The following TAF8 variants were observed in gnomAD, a reference collection of about 807,000 sequenced individuals.
TAF8 encodes the protein transcription initiation factor TFIID subunit 8.
Under a neutral mutation model 36.5 loss-of-function variants are expected in TAF8, and 47 were observed. That is an observed-to-expected ratio of 1.29 (90% CI 1.02 to 1.64). The LOEUF is 1.64. Among genes scored for constraint, TAF8 ranks in the 40% most tolerant of loss-of-function variants. The pLI is 0.00. For missense variants in TAF8, 420 were observed against 407.6 expected, an observed-to-expected ratio of 1.03 and a Z score of -0.26; for synonymous variants, 175 against 159.5, an observed-to-expected ratio of 1.10 and a Z score of -0.73.
chr6:42,085,100 A>G (rs1198170989), downstream of TAF8, among the ~76,000 whole-genome samples: 1 of 152,202 alleles, frequency 6.6e-6, no homozygotes, highest in Non-Finnish European at 1.5e-5. Flanking sequence ...TCCAGCAAAT[A>G]CGGACACATT....
intron 2 of TAF8, among the ~76,000 whole-genome samples, chr6:42,054,764 C>A (rs1229392917): frequency 4.6e-5 from 7 of 151,924 alleles, no homozygotes; most frequent in African/African-American, 1.7e-4. Context: ...GCCACCTCAC[C>A]TGGCTAATTT....
rs1765899037 is a variant in TAF8, at chr6:42,080,787, A to C, written c.*3242A>C. On this transcript the variant is annotated 3_prime_UTR_variant, in exon 9 of 9. Transcript: ENST00000372977. ...GCAAAATTCTCAATGTGTATTTATAAATTTCTATTTTTTATAACTTTATGG... is the reference window on the plus strand; with the variant it reads ...GCAAAATTCTCAATGTGTATTTATACATTTCTATTTTTTATAACTTTATGG... 17 of 980,662 alleles carry C rather than the reference A, an allele frequency of 1.7e-5. No individual in the cohort carries two copies. The highest frequency in any genetic ancestry group is 2.1e-5 in the Non-Finnish European group (17 of 825,572). The allele number at this position is 980,662 out of a possible 1,614,324, so 60.7% of individuals were successfully genotyped here. A position where few individuals can be genotyped will look rare whatever the true frequency, so the allele number is the denominator to read the frequency against.
rs575334191 is a variant in TAF8 at position 42,078,630 on chromosome 6, G to A, written c.*1085G>A. On this transcript the variant is annotated 3_prime_UTR_variant, in exon 9 of 9. Transcript: ENST00000372977. ...TCGGGGCTGCACCTGTCCTCCCGTC[G>A]GCATTTGACGAAAGCTCCCTGAAGC... 13 of 985,420 alleles carry A rather than the reference G, an allele frequency of 1.3e-5. No homozygotes were observed. The South Asian group carries it at 1.9e-4, about 14-fold the overall frequency. The allele number at this position is 985,420 out of a possible 1,614,324, so 61.0% of individuals were successfully genotyped here. A position where few individuals can be genotyped will look rare whatever the true frequency, so the allele number is the denominator to read the frequency against.
At chr6:42,070,263 CA>C (rs1202418693) in intron 7 of TAF8, among the ~76,000 whole-genome samples, 1 of 151,900 alleles carries the variant, frequency 6.6e-6, no homozygotes, top group Non-Finnish European at 1.5e-5. Flanking sequence ...CTGAGGTGGG[CA>C]GATCACGAGG....
At position 42,082,178 on chromosome 6, in the gene TAF8, G is replaced by C. The variant is rs1765945408; in HGVS notation, c.*4633G>C. 1 of 152,246 alleles carries C rather than the reference G, an allele frequency of 6.6e-6. No homozygotes were observed. Among genetic ancestry groups the C allele is most frequent in the Admixed American group, 6.6e-5 (1 of 15,266 alleles). The allele number at this position is 152,246 out of a possible 1,614,324, so 9.4% of individuals were successfully genotyped here. On this transcript the variant is annotated 3_prime_UTR_variant, in exon 9 of 9. Transcript: ENST00000372977. ...TAACCACCAGCACACAAATGGTGAAGACACAGAACCATTGCATCAGTACAG... is the reference window on the plus strand; with the variant it reads ...TAACCACCAGCACACAAATGGTGAACACACAGAACCATTGCATCAGTACAG...
At position 42,050,594 on chromosome 6, in the gene TAF8, C is replaced by T. The variant is rs200002096; in HGVS notation, c.45+8C>T. 1.9e-5 allele frequency: 29 copies of T among 1,550,552 alleles called. No individual in the cohort carries two copies. The African/African-American group carries it at 2.3e-4, about 12-fold the overall frequency. On this transcript the variant is annotated splice_region_variant and intron_variant, in intron 1 of 8. Coordinates refer to ENST00000372977, the MANE Select transcript of TAF8 (RefSeq NM_138572.3). ...GCCGGTGGCTCCGGAACGGTAAGGG[C>T]AGGAAGCGCGGGCTCGGAGCCGAGA...
At position 42,057,450 on chromosome 6, in the gene TAF8, C is replaced by G. The variant is rs1765036419; in HGVS notation, c.426C>G (p.His142Gln). The change falls in exon 5 of 9, where the codon CAC becomes CAG. Residue 142 changes from histidine to glutamine, a missense_variant. Transcript: ENST00000372977. ...TCACTGCAGGGCAGAACCGACCCCA[C>G]CCGCCGCACATCCCCAGCCATTTTC... The part of the protein sequence containing the change: ...KALTAGQNRP[H>Q]PPHIPSHFPE... 6.2e-7 allele frequency: 1 copy of G among 1,614,114 alleles called. No homozygotes were observed. The highest frequency in any genetic ancestry group is 1.7e-5 in the Admixed American group (1 of 60,012).
At chr6:42,057,632 G>A in intron 5 of TAF8, 119 bp downstream of exon 5, 1 of 1,389,550 alleles carries the variant, frequency 7.2e-7, no homozygotes, top group South Asian at 1.4e-5. Context: ...TCAAAACTCA[G>A]AATGTGGCCG....
downstream of TAF8, among the ~76,000 whole-genome samples, chr6:42,085,258 T>C (rs1038382923): frequency 1.3e-5 from 2 of 152,238 alleles, no homozygotes; most frequent in Non-Finnish European, 2.9e-5. Flanking sequence ...TTCCATTGTA[T>C]GTCTTATCCT....
rs1048107532 is a variant in TAF8 at position 42,071,619 on chromosome 6, C to A, written c.780+3012C>A. 7.3e-5 allele frequency among the ~76,000 whole-genome samples: 11 copies of A among 151,722 alleles called. No individual in the cohort carries two copies. The East Asian group carries it at 9.6e-4, about 13-fold the overall frequency. On this transcript the variant is annotated intron_variant, in intron 7 of 8. Transcript: ENST00000372977. ...GATTACAGGCGTGAGCCACCACACC[C>A]GGCCTGGATATACTTTTTTTTTTTT...
intron 7 of TAF8, 89 bp downstream of exon 7, chr6:42,068,696 G>A (rs1334241137): frequency 1.2e-5 from 18 of 1,523,210 alleles, no homozygotes; most frequent in Non-Finnish European, 1.6e-5. Context: ...GGACATGATC[G>A]ACCTCAGGTC....
Position 42,078,437 on chromosome 6 carries a change from T to A in TAF8, c.*892T>A. 1 of 985,468 alleles carries A rather than the reference T, an allele frequency of 1.0e-6. No homozygotes were observed. The highest frequency in any genetic ancestry group is 1.2e-6 in the Non-Finnish European group (1 of 829,934). 61.0% of individuals were successfully genotyped at this position (985,468 alleles called of 1,614,324 possible). A position where few individuals can be genotyped will look rare whatever the true frequency, so the allele number is the denominator to read the frequency against. The stretch of plus-strand genomic sequence containing the variant: ...ACTTTCTCATCCCAGAACTTCATTC[T>A]TATTTCTCTCCTCATCTGGCCTCCC... On this transcript the variant is annotated 3_prime_UTR_variant, in exon 9 of 9. Coordinates refer to ENST00000372977, the MANE Select transcript of TAF8 (RefSeq NM_138572.3).
At chr6:42,066,874 C>G (rs1451279340) in intron 6 of TAF8, among the ~76,000 whole-genome samples, 1 of 152,146 alleles carries the variant, frequency 6.6e-6, no homozygotes, top group East Asian at 1.9e-4. Context: ...CCAAAGACCT[C>G]AGTTTTTACA....
downstream of TAF8, among the ~76,000 whole-genome samples, chr6:42,086,503 A>T (rs574124424): frequency 6.6e-6 from 1 of 152,148 alleles, no homozygotes; most frequent in South Asian, 2.1e-4. Context: ...CAGTTCAGGG[A>T]TTGTCCTCCA....
Position 42,068,406 on chromosome 6 carries a change from C to G in TAF8, c.638-59C>G, listed in dbSNP as rs1765440785. Reference sequence around the variant, plus strand: ...TGATTTGTTGTGAGGCTCTAGGACTCTAAGCCAGCTGCGAGGTCTCTGTGA... The same window carrying G: ...TGATTTGTTGTGAGGCTCTAGGACTGTAAGCCAGCTGCGAGGTCTCTGTGA... On this transcript the variant is annotated intron_variant, in intron 6 of 8. Transcript: ENST00000372977. The G allele has an allele frequency of 2.5e-6, 4 of 1,604,836 alleles. No homozygotes were observed. The South Asian group carries it at 3.3e-5, about 13-fold the overall frequency.
chr6:42,059,106 G>A (rs1052826512), intron 5 of TAF8, among the ~76,000 whole-genome samples: 11 of 152,210 alleles, frequency 7.2e-5, no homozygotes, highest in East Asian at 5.8e-4. Context: ...ACTCAGGGCC[G>A]GGCAAGGTGG....
chr6:42,071,631 A>AC, intron 7 of TAF8, among the ~76,000 whole-genome samples: 1 of 149,882 alleles, frequency 6.7e-6, no homozygotes, highest in Non-Finnish European at 1.5e-5. Context: ...GCCTGGATAT[A>AC]CTTTTTTTTT....
intron 7 of TAF8, among the ~76,000 whole-genome samples, chr6:42,071,895 T>C (rs1273787143): frequency 6.6e-6 from 1 of 152,178 alleles, no homozygotes; most frequent in Non-Finnish European, 1.5e-5. Context: ...TGTGAGGTCA[T>C]GGTGGTAATT....
chr6:42,083,510 C>T (rs1432267980), downstream of TAF8, among the ~76,000 whole-genome samples: 2 of 152,186 alleles, frequency 1.3e-5, no homozygotes, highest in African/African-American at 4.8e-5. Flanking sequence ...CAGTGTAGAA[C>T]TCCTTAAACT....
Sources: allele counts gnomAD v4.1 joint callset (sites outside exome capture counted in the v4.1 genomes callset), GRCh38; gene constraint gnomAD v4.1.1; transcripts MANE v1.5; gene names NCBI Gene and HGNC (gene_info 2026-07-23, HGNC 2026-07-21).